Variants in MAPK6 observed in about 807,000 individuals in gnomAD.
MAPK6 encodes the protein mitogen-activated protein kinase 6.
MAPK6 carries 19 observed loss-of-function variants against 59.3 expected under a neutral mutation model. The observed-to-expected ratio is 0.32, with a 90% CI of 0.22 to 0.47. MAPK6 has a LOEUF of 0.47. Among genes scored for constraint, MAPK6 ranks in the 20% least tolerant of loss-of-function variants. The pLI is 1.00. For missense variants in MAPK6, 724 were observed against 847.9 expected (o/e 0.85, Z 1.81); for synonymous variants, 316 against 290.3 (o/e 1.09, Z -0.90).
intron 2 of MAPK6, among the ~76,000 whole-genome samples, chr15:52,000,701 G>A (rs2057239446): frequency 6.6e-6 from 1 of 152,036 alleles, no homozygotes; most frequent in Non-Finnish European, 1.5e-5. Flanking sequence ...AGCCACTGGG[G>A]AGGCTGAGGA....
In MAPK6 at chr15:52,063,903, T is replaced by G. The variant is rs1369155923; in HGVS notation, c.1069T>G (p.Tyr357Asp). Reference sequence around the variant, plus strand: ...CGCTAGTGTATTGATTTTTTTCAGGTATCATGATTGTCAGTTTTCAGAGCA... The same window carrying G: ...CGCTAGTGTATTGATTTTTTTCAGGGATCATGATTGTCAGTTTTCAGAGCA... ...THSHIYNWER[Y>D]HDCQFSEHDW... Residue 357 changes from tyrosine (Y) to aspartate (D), a missense_variant and splice_region_variant, in exon 6 of 6, where the codon TAT becomes GAT. Tyr to Asp is a radical substitution (Grantham distance 160, BLOSUM62 -3). Coordinates refer to ENST00000261845, the MANE Select transcript of MAPK6 (RefSeq NM_002748.4). 1.3e-6 allele frequency: 2 copies of G among 1,535,104 alleles called. No individual in the cohort carries two copies. Among genetic ancestry groups the G allele is most frequent in the South Asian group, 1.3e-5 (1 of 77,754 alleles).
intron 1 of MAPK6, chr15:52,019,845 T>C (rs112719103): frequency 0.038 from 5,741 of 152,512 alleles, 249 homozygotes; most frequent in African/African-American, 0.092. Context: ...TGAGGTGGCG[T>C]GGAGTCTCGC....
chr15:52,001,675 AT>A (rs1240451456), intron 2 of MAPK6, among the ~76,000 whole-genome samples: 1 of 151,736 alleles, frequency 6.6e-6, no homozygotes, highest in Middle Eastern at 3.2e-3. Context: ...CACCTGGCTA[AT>A]TTTTGTATTT....
chr15:52,019,518 C>G lies in MAPK6; in HGVS notation c.-632+142C>G. On this transcript the variant is annotated intron_variant, in intron 1 of 5. Transcript: ENST00000261845. ...TTGTGTGTGACCCTCCGGCGGCTGCCGCTCAACAAAGGCGTTTTTGTTCGG... is the reference window on the plus strand; with the variant it reads ...TTGTGTGTGACCCTCCGGCGGCTGCGGCTCAACAAAGGCGTTTTTGTTCGG... 1.4e-5 allele frequency: 2 copies of G among 147,002 alleles called. 1 individual carries two copies. Among genetic ancestry groups the G allele is most frequent in the Non-Finnish European group, 3.0e-5 (2 of 65,846 alleles). The allele number at this position is 147,002 out of a possible 1,614,324, so 9.1% of individuals were successfully genotyped here.
At chr15:52,012,778 G>C (rs2030089506) in intron 3 of MAPK6, among the ~76,000 whole-genome samples, 1 of 151,522 alleles carries the variant, frequency 6.6e-6, no homozygotes, top group Admixed American at 6.6e-5. Flanking sequence ...CACAAGGTCA[G>C]GAGTTCGAGA....
intron 2 of MAPK6, among the ~76,000 whole-genome samples, chr15:51,992,774 C>T (rs1326749186): frequency 6.6e-6 from 1 of 152,088 alleles, no homozygotes; most frequent in African/African-American, 2.4e-5. Flanking sequence ...ACCAATTTAT[C>T]GCCTAAAGAA....
At chr15:52,044,034 A>C (rs1223982578) in intron 1 of MAPK6, among the ~76,000 whole-genome samples, 2 of 152,018 alleles carry the variant, frequency 1.3e-5, no homozygotes, top group African/African-American at 4.8e-5. Flanking sequence ...TCGGCTTCCC[A>C]AAGTGTTGGG....
upstream of MAPK6, among the ~76,000 whole-genome samples, chr15:52,018,256 T>C (rs1431968025): frequency 1.3e-5 from 2 of 152,164 alleles, no homozygotes; most frequent in African/African-American, 4.8e-5. Context: ...CTCGAACTCC[T>C]GGCCTCAGGT....
At chr15:51,982,951 G>C (rs960255994) in intron 1 of MAPK6, among the ~76,000 whole-genome samples, 1 of 152,144 alleles carries the variant, frequency 6.6e-6, no homozygotes, top group Non-Finnish European at 1.5e-5. Context: ...TTCTTTAAAT[G>C]GGTGTGACAT....
rs1252230017 is a variant in MAPK6, at chr15:52,066,030, A to G, written c.*1030A>G. 2.0e-5 allele frequency: 3 copies of G among 152,610 alleles called. No individual in the cohort carries two copies. The highest frequency in any genetic ancestry group is 4.8e-5 in the African/African-American group (2 of 41,450). The allele number at this position is 152,610 out of a possible 1,614,324, so 9.5% of individuals were successfully genotyped here. A position where few individuals can be genotyped will look rare whatever the true frequency, so the allele number is the denominator to read the frequency against. ...TGCATGGAAGTAATTAAGGTACATC[A>G]TTATTGTAGTTTGAAAGTTGTACAT... On this transcript the variant is annotated 3_prime_UTR_variant, in exon 6 of 6. Coordinates refer to ENST00000261845, the MANE Select transcript of MAPK6 (RefSeq NM_002748.4).
intron 1 of MAPK6, among the ~76,000 whole-genome samples, chr15:52,040,530 T>C (rs1375995182): frequency 6.6e-6 from 1 of 152,230 alleles, no homozygotes; most frequent in Non-Finnish European, 1.5e-5. Context: ...CAAACTTTCT[T>C]TGCACATCTA....
At chr15:52,042,263 C>G (rs544316368) in intron 1 of MAPK6, among the ~76,000 whole-genome samples, 1 of 152,306 alleles carries the variant, frequency 6.6e-6, no homozygotes, top group East Asian at 1.9e-4. Flanking sequence ...AAATCTTTTT[C>G]TCCCCCAGAT....
chr15:51,975,091 T>C (rs2057153551), intron 1 of MAPK6, among the ~76,000 whole-genome samples: 1 of 151,828 alleles, frequency 6.6e-6, no homozygotes, highest in South Asian at 2.1e-4. Context: ...CTTTCAGTTT[T>C]TGAAAGAACG....
At chr15:52,031,924 G>A (rs964021664) in intron 1 of MAPK6, among the ~76,000 whole-genome samples, 8 of 150,782 alleles carry the variant, frequency 5.3e-5, no homozygotes, top group Non-Finnish European at 7.4e-5. Context: ...TTTTTGAGGC[G>A]GAGTCTCGCT....
intron 3 of MAPK6, among the ~76,000 whole-genome samples, chr15:52,055,241 C>A (rs896398572): frequency 6.6e-6 from 1 of 152,048 alleles, no homozygotes; most frequent in Non-Finnish European, 1.5e-5. Flanking sequence ...GACCCTGTCT[C>A]GACAAAAAAC....
chr15:52,031,793 A>G (rs1410249593), intron 1 of MAPK6, among the ~76,000 whole-genome samples: 1 of 152,204 alleles, frequency 6.6e-6, no homozygotes, highest in Non-Finnish European at 1.5e-5. Flanking sequence ...TGTTCATGCC[A>G]CTGCACTTCA....
chr15:52,022,802 A>G (rs2030587070), intron 1 of MAPK6, among the ~76,000 whole-genome samples: 1 of 152,148 alleles, frequency 6.6e-6, no homozygotes, highest in Non-Finnish European at 1.5e-5. Context: ...GCTGTAGTGC[A>G]TAATTCAGAG....
rs1447676830 is a variant in MAPK6 at position 51,974,250 on chromosome 15, C to G, written c.-880+2344C>G. Among the ~76,000 whole-genome samples the G allele has an allele frequency of 2.6e-5, 4 of 151,838 alleles. No individual in the cohort carries two copies. In the East Asian group the frequency reaches 7.7e-4, roughly 29 times the overall value. On this transcript the variant is annotated intron_variant, in intron 1 of 7. Transcript: ENST00000691380. ...GTGTTGGAATTACAGGTGTAAGCCA[C>G]TACACCCAGTTTGATTAAAGTTTAC...
At chr15:52,048,447 G>A (rs1298434528) in intron 2 of MAPK6, among the ~76,000 whole-genome samples, 1 of 151,010 alleles carries the variant, frequency 6.6e-6, no homozygotes, top group Non-Finnish European at 1.5e-5. Flanking sequence ...GTGAAACCCT[G>A]TCTCTCCTAA....
Sources: gnomAD v4.1 joint callset for allele counts (sites outside exome capture counted in the v4.1 genomes callset) on GRCh38, gnomAD v4.1.1 for gene constraint, MANE v1.5 for transcripts, NCBI Gene and HGNC (gene_info 2026-07-23, HGNC 2026-07-21) for gene names.